Variants in ZNF837 observed in about 807,000 individuals in gnomAD.
ZNF837 encodes zinc finger protein 837.
For missense variants in ZNF837, 955 were observed against 801.7 expected, an observed-to-expected ratio of 1.19 and a Z score of -2.31; for synonymous variants, 475 against 365.2, an observed-to-expected ratio of 1.30 and a Z score of -3.43.
chr19:58,367,675 C>G lies in ZNF837; in HGVS notation c.*62G>C. On this transcript the variant is annotated 3_prime_UTR_variant, in exon 3 of 3. Transcript: ENST00000597582. ...ACAAACGTTGGTGGGTTTTCCGGGA[C>G]AAAGGCCCCTCCTCGACGCAGGGTT... The G allele has an allele frequency of 7.0e-7, 1 of 1,436,380 alleles. No individual in the cohort carries two copies. Among genetic ancestry groups the G allele is most frequent in the South Asian group, 1.4e-5 (1 of 69,536 alleles). 89.0% of individuals were successfully genotyped at this position (1,436,380 alleles called of 1,614,324 possible).
chr19:58,371,342 AG>A (rs1288502231), intron 1 of ZNF837, among the ~76,000 whole-genome samples: 1 of 151,914 alleles, frequency 6.6e-6, no homozygotes, highest in Non-Finnish European at 1.5e-5. Flanking sequence ...TGTGAGGTGG[AG>A]GATGCAGTAA....
At chr19:58,371,670 T>C (rs1271021140) in intron 1 of ZNF837, among the ~76,000 whole-genome samples, 1 of 152,144 alleles carries the variant, frequency 6.6e-6, no homozygotes, top group Non-Finnish European at 1.5e-5. Flanking sequence ...CTTCTCCTTT[T>C]GTCCTGTGTT....
At position 58,368,582 on chromosome 19, in the gene ZNF837, C is replaced by A; in HGVS notation, c.751G>T (p.Glu251Ter). The change falls in exon 3 of 3, where the codon GAG becomes TAG. Residue 251 changes from glutamate to a stop codon, truncating the protein, a stop_gained. Coordinates refer to ENST00000597582, the MANE Select transcript of ZNF837 (RefSeq NM_138466.2). LOFTEE classifies it low-confidence loss of function (END_TRUNC). ...QAGKSPPVCPECGQTSRPRPI... is the reference protein window; with the variant it reads ...QAGKSPPVCP ...CGAGGTCGCGAGGTTTGGCCGCACT[C>A]AGGACACACTGGGGGACTCTTGCCC... 1 of 1,536,208 alleles carries A rather than the reference C, an allele frequency of 6.5e-7. No individual in the cohort carries two copies. The highest frequency in any genetic ancestry group is 8.7e-7 in the Non-Finnish European group (1 of 1,144,782).
In ZNF837 at chr19:58,369,312, C is replaced by T; in HGVS notation, c.21G>A (p.Lys7=). The T allele has an allele frequency of 7.3e-7, 1 of 1,373,580 alleles. No individual in the cohort carries two copies. 85.1% of individuals were successfully genotyped at this position (1,373,580 alleles called of 1,614,324 possible). A position where few individuals can be genotyped will look rare whatever the true frequency, so the allele number is the denominator to read the frequency against. The change falls in exon 3 of 3, where the codon AAG becomes AAA. Residue 7 remains lysine (K), a synonymous_variant. Transcript: ENST00000597582. MEAPAQ[K]AGQGGLPKAD... Reference sequence around the variant, plus strand: ...CCTTGGGGAGTCCTCCCTGCCCAGCCTTCTGGGCTGGAGCCTCCATCCTGG... The same window carrying T: ...CCTTGGGGAGTCCTCCCTGCCCAGCTTTCTGGGCTGGAGCCTCCATCCTGG...
At chr19:58,379,095 ATG>A (rs1482466506) in intron 1 of ZNF837, among the ~76,000 whole-genome samples, 1 of 152,196 alleles carries the variant, frequency 6.6e-6, no homozygotes, top group Non-Finnish European at 1.5e-5. Context: ...CCTCGACAGA[ATG>A]TGTGTGTTGT....
At chr19:58,374,465 T>C (rs2052225387) in intron 1 of ZNF837, among the ~76,000 whole-genome samples, 1 of 152,094 alleles carries the variant, frequency 6.6e-6, no homozygotes, top group African/African-American at 2.4e-5. Flanking sequence ...ATTTATACGA[T>C]ATATCCAGAA....
In ZNF837 at chr19:58,368,207, A is replaced by T; in HGVS notation, c.1126T>A (p.Ser376Thr). The T allele has an allele frequency of 6.4e-7, 1 of 1,553,030 alleles. No individual in the cohort carries two copies. Among genetic ancestry groups the T allele is most frequent in the Non-Finnish European group, 8.7e-7 (1 of 1,152,664 alleles). The change falls in exon 3 of 3, where the codon TCG (serine) becomes ACG (threonine). Residue 376 changes from serine to threonine, a missense_variant. Transcript: ENST00000597582. ...ACGCGCCGGTGCTCCACGAGGTGCG[A>T]GAACAGCCCGAAGGCCTTGGCGCAG... ...ADCAKAFGLF[S>T]HLVEHRRVHT...
intron 1 of ZNF837, among the ~76,000 whole-genome samples, chr19:58,379,735 C>T (rs2052275165): frequency 6.6e-6 from 1 of 152,172 alleles, no homozygotes; most frequent in African/African-American, 2.4e-5. Context: ...CTGAGCCCTG[C>T]AGAACTGCAG....
intron 1 of ZNF837, among the ~76,000 whole-genome samples, chr19:58,372,602 C>G (rs930358409): frequency 1.3e-5 from 2 of 152,200 alleles, no homozygotes. Context: ...AAAGGACTCA[C>G]GAAGCATTTA....
chr19:58,367,984 G>A lies in ZNF837; in HGVS notation c.1349C>T (p.Ser450Phe). 1 of 1,532,058 alleles carries A rather than the reference G, an allele frequency of 6.5e-7. No homozygotes were observed. Among genetic ancestry groups the A allele is most frequent in the Non-Finnish European group, 8.7e-7 (1 of 1,143,852 alleles). The allele number at this position is 1,532,058 out of a possible 1,614,324, so 94.9% of individuals were successfully genotyped here. The change falls in exon 3 of 3, where the codon TCC (serine) becomes TTC (phenylalanine). Residue 450 changes from serine to phenylalanine, a missense_variant. Transcript: ENST00000597582. ...GCCGCGGAAGGTCTTTCCGCACTCG[G>A]AGCAGCCATAGGGCCGCTCGCCGGT... ...AHTGERPYGC[S>F]ECGKTFRGCS...
Position 58,369,139 on chromosome 19 carries a change from G to A in ZNF837, c.194C>T (p.Ser65Phe). The A allele has an allele frequency of 6.9e-7, 1 of 1,458,528 alleles. No homozygotes were observed. Among genetic ancestry groups the A allele is most frequent in the Non-Finnish European group, 9.0e-7 (1 of 1,107,074 alleles). The allele number at this position is 1,458,528 out of a possible 1,614,324, so 90.3% of individuals were successfully genotyped here. A position where few individuals can be genotyped will look rare whatever the true frequency, so the allele number is the denominator to read the frequency against. ...GCTCACCCCGAGGCTGCAGCCCCGG[G>A]AGCCCCCGCCTGGGGGAGTCGTCCT... ...GGRTTPPGGG[S>F]RGCSLGVSPG... Residue 65 changes from serine to phenylalanine, a missense_variant, in exon 3 of 3, where the codon TCC becomes TTC. Coordinates refer to ENST00000597582, the MANE Select transcript of ZNF837 (RefSeq NM_138466.2).
rs775214011 is a variant in ZNF837, at chr19:58,367,899, G to A, written c.1434C>T (p.Arg478=). ...TGCGCACGAAGGCCTTGCCGCAGTCGCGGCAGATGTAGGGCTTCTCGCCCG... is the reference window on the plus strand; with the variant it reads ...TGCGCACGAAGGCCTTGCCGCAGTCACGGCAGATGTAGGGCTTCTCGCCCG... ...LHSGEKPYIC[R]DCGKAFVRNC... is the part of the protein sequence containing the mutation. The change falls in exon 3 of 3, where the codon CGC becomes CGT. Residue 478 remains arginine (R), a synonymous_variant. Transcript: ENST00000597582. The A allele has an allele frequency of 5.2e-6, 8 of 1,534,756 alleles. No homozygotes were observed. In the African/African-American group the frequency reaches 1.1e-4, roughly 21 times the overall value.
At position 58,377,334 on chromosome 19, in the gene ZNF837, G is replaced by A. The variant is rs140187457; in HGVS notation, c.-140+3607C>T. 9.3e-4 allele frequency among the ~76,000 whole-genome samples: 142 copies of A among 151,878 alleles called. 4 individuals are homozygous for A. In the East Asian group the frequency reaches 0.025, roughly 27 times the overall value. ...ATCCTGGCTAACATGGTGAAATCCC[G>A]TCTCTACTAAAAAATAGAAAAAATT... On this transcript the variant is annotated intron_variant, in intron 1 of 2. Coordinates refer to ENST00000597582, the MANE Select transcript of ZNF837 (RefSeq NM_138466.2).
Position 58,368,175 on chromosome 19 carries a change from G to A in ZNF837, c.1158C>T (p.Thr386=), listed in dbSNP as rs776935132. ...CGGGGCACGCGTAGGGCTTCTCGCCGGTGTGCACGCGCCGGTGCTCCACGA... is the reference window on the plus strand; with the variant it reads ...CGGGGCACGCGTAGGGCTTCTCGCCAGTGTGCACGCGCCGGTGCTCCACGA... ...SHLVEHRRVH[T]GEKPYACPEC... The change falls in exon 3 of 3, where the codon ACC becomes ACT. Residue 386 remains threonine, a synonymous_variant. Coordinates refer to ENST00000597582, the MANE Select transcript of ZNF837 (RefSeq NM_138466.2). 2 of 1,581,112 alleles carry A rather than the reference G, an allele frequency of 1.3e-6. No individual in the cohort carries two copies. The highest frequency in any genetic ancestry group is 1.8e-5 in the Admixed American group (1 of 55,584).
chr19:58,378,436 C>T (rs1158288115), intron 1 of ZNF837, among the ~76,000 whole-genome samples: 1 of 152,220 alleles, frequency 6.6e-6, no homozygotes, highest in Non-Finnish European at 1.5e-5. Context: ...GTCTGTACAA[C>T]AGCTGGTGGC....
intron 1 of ZNF837, among the ~76,000 whole-genome samples, chr19:58,380,471 G>GA (rs1190566649): frequency 8.5e-5 from 13 of 152,254 alleles, no homozygotes; most frequent in Non-Finnish European, 1.9e-4. Context: ...GGAGCAGCGC[G>GA]AGGGCGCCAG....
intron 1 of ZNF837, 23 bp from the exon 2 acceptor site, chr19:58,369,951 G>C (rs2052184859): frequency 6.6e-6 from 1 of 152,172 alleles, no homozygotes; most frequent in Admixed American, 6.5e-5. Context: ...TATGATAACG[G>C]TAAGTATAAC....
chr19:58,376,623 AAAAC>A (rs1269359966), intron 1 of ZNF837, among the ~76,000 whole-genome samples: 1 of 150,444 alleles, frequency 6.6e-6, no homozygotes, highest in South Asian at 2.1e-4. Context: ...AAAAAAGAGA[AAAAC>A]AAGTTCTTTT....
At chr19:58,371,240 C>CAAAA (rs369666456) in intron 1 of ZNF837, among the ~76,000 whole-genome samples, 44 of 99,572 alleles carry the variant, frequency 4.4e-4, no homozygotes, top group African/African-American at 8.4e-4. Context: ...GACTCTGTCT[C>CAAAA]AAAAAAAAAA....
Sources: allele counts gnomAD v4.1 joint callset (sites outside exome capture counted in the v4.1 genomes callset), GRCh38; gene constraint gnomAD v4.1.1; transcripts MANE v1.5; gene names NCBI Gene and HGNC (gene_info 2026-07-23, HGNC 2026-07-21).